EXOC4: variants seen among roughly 807,000 people sequenced by gnomAD.
EXOC4 encodes the protein SEC8-like 1.
Under a neutral mutation model 107.2 loss-of-function variants are expected in EXOC4, and 71 were observed. The observed-to-expected ratio is 0.66, with a 90% CI of 0.55 to 0.81. EXOC4 has a LOEUF of 0.81. Among genes scored for constraint, EXOC4 ranks in the 30% least tolerant of loss-of-function variants. EXOC4 has a pLI of 0.00. For synonymous variants in EXOC4, 456 were observed against 441.2 expected, an observed-to-expected ratio of 1.03 and a Z score of -0.42; for missense variants, 1,108 against 1,189.6, an observed-to-expected ratio of 0.93 and a Z score of 1.01.
At chr7:133,679,753 A>G (rs1019675740) in intron 10 of EXOC4, among the ~76,000 whole-genome samples, 2 of 152,246 alleles carry the variant, frequency 1.3e-5, no homozygotes, top group Admixed American at 1.3e-4. Context: ...TTGTTCTTCT[A>G]GAATTTGCAT....
chr7:133,287,316 T>C (rs1394297823), intron 2 of EXOC4, among the ~76,000 whole-genome samples: 1 of 151,808 alleles, frequency 6.6e-6, no homozygotes, highest in Non-Finnish European at 1.5e-5. Flanking sequence ...TATATATATG[T>C]ATATTTTTTT....
At chr7:133,925,923 C>T (rs1273327268) in intron 13 of EXOC4, among the ~76,000 whole-genome samples, 1 of 151,542 alleles carries the variant, frequency 6.6e-6, no homozygotes, top group Non-Finnish European at 1.5e-5. Context: ...CCTGTAATCC[C>T]AGCTACTCAG....
intron 11 of EXOC4, among the ~76,000 whole-genome samples, chr7:133,885,645 A>G (rs1302560922): frequency 6.6e-6 from 1 of 152,110 alleles, no homozygotes; most frequent in Non-Finnish European, 1.5e-5. Context: ...CACAGAAGGG[A>G]CATTTAAATC....
intron 1 of EXOC4, among the ~76,000 whole-genome samples, chr7:133,272,072 C>T (rs866978166): frequency 2.0e-5 from 3 of 152,136 alleles, no homozygotes; most frequent in East Asian, 1.9e-4. Context: ...TAATAGCTAA[C>T]GACAACAACC....
At chr7:133,458,290 C>T (rs1300162130) in intron 7 of EXOC4, among the ~76,000 whole-genome samples, 1 of 152,184 alleles carries the variant, frequency 6.6e-6, no homozygotes, top group Non-Finnish European at 1.5e-5. Context: ...TATCCTATTG[C>T]AGGATGCAAG....
At chr7:133,469,729 A>G (rs573011042) in intron 7 of EXOC4, among the ~76,000 whole-genome samples, 4 of 152,350 alleles carry the variant, frequency 2.6e-5, no homozygotes, top group East Asian at 1.9e-4. Context: ...TGTGAGACCT[A>G]TAACACTATG....
intron 7 of EXOC4, among the ~76,000 whole-genome samples, chr7:133,439,360 T>C (rs1410014170): frequency 6.6e-6 from 1 of 151,744 alleles, no homozygotes; most frequent in Non-Finnish European, 1.5e-5. Flanking sequence ...AATTTTTGTA[T>C]TTTTAGTAGA....
chr7:133,825,951 A>G (rs1797692684), intron 11 of EXOC4, among the ~76,000 whole-genome samples: 1 of 152,214 alleles, frequency 6.6e-6, no homozygotes, highest in South Asian at 2.1e-4. Context: ...TTCAGTATTT[A>G]TCGATACCTA....
intron 9 of EXOC4, among the ~76,000 whole-genome samples, chr7:133,574,594 A>G (rs566135587): frequency 6.6e-6 from 1 of 152,306 alleles, no homozygotes; most frequent in Non-Finnish European, 1.5e-5. Context: ...CTGAGCTGCA[A>G]CCACTGATAG....
At chr7:133,414,357 A>G (rs1027360733) in intron 7 of EXOC4, among the ~76,000 whole-genome samples, 4 of 152,202 alleles carry the variant, frequency 2.6e-5, no homozygotes, top group Non-Finnish European at 5.9e-5. Flanking sequence ...GAACTCTTGT[A>G]TATTACTGAT....
chr7:133,491,665 G>A (rs62469963), intron 9 of EXOC4, among the ~76,000 whole-genome samples: 21,990 of 152,166 alleles, frequency 0.14, 1,977 homozygotes, highest in Non-Finnish European at 0.2. Flanking sequence ...CATTTTCTGC[G>A]TGCAGAGGGG....
intron 5 of EXOC4, among the ~76,000 whole-genome samples, chr7:133,347,566 T>C (rs769369188): frequency 8.5e-5 from 13 of 152,202 alleles, no homozygotes; most frequent in Non-Finnish European, 1.9e-4. Context: ...AGTGGAATCA[T>C]GGAATTGTAG....
intron 11 of EXOC4, among the ~76,000 whole-genome samples, chr7:133,843,337 A>G (rs1798059522): frequency 6.6e-6 from 1 of 151,886 alleles, no homozygotes; most frequent in Admixed American, 6.6e-5. Context: ...GTCATCTCTG[A>G]TTTCTTTGTG....
intron 17 of EXOC4, among the ~76,000 whole-genome samples, chr7:134,009,406 T>G (rs915588620): frequency 6.6e-6 from 1 of 152,236 alleles, no homozygotes; most frequent in Non-Finnish European, 1.5e-5. Flanking sequence ...TCTTCCTCAA[T>G]CTGTTACTCC....
At chr7:133,269,966 C>T (rs1262847034) in intron 1 of EXOC4, among the ~76,000 whole-genome samples, 1 of 152,116 alleles carries the variant, frequency 6.6e-6, no homozygotes, top group Non-Finnish European at 1.5e-5. Flanking sequence ...TTGGCTGTGT[C>T]CCCATCCACA....
intron 10 of EXOC4, among the ~76,000 whole-genome samples, chr7:133,752,893 C>A (rs1795823920): frequency 1.3e-5 from 2 of 152,182 alleles, no homozygotes; most frequent in African/African-American, 4.8e-5. Flanking sequence ...TTCTTCTCAA[C>A]CTTTGACCGC....
At chr7:133,495,302 A>G (rs1397831463) in intron 9 of EXOC4, among the ~76,000 whole-genome samples, 3 of 151,980 alleles carry the variant, frequency 2.0e-5, no homozygotes, top group Non-Finnish European at 4.4e-5. Flanking sequence ...ATGCCTGTAC[A>G]CTGAATCTTT....
chr7:133,875,341 A>G (rs1185645954), intron 11 of EXOC4, among the ~76,000 whole-genome samples: 1 of 152,228 alleles, frequency 6.6e-6, no homozygotes, highest in African/African-American at 2.4e-5. Flanking sequence ...CTATGCTAAA[A>G]TAATTTCAGA....
chr7:133,578,954 G>T lies in EXOC4; in HGVS notation c.1418-51091G>T, dbSNP rs1025421575. ...CCCTATCTGAGAAAATGCTTCTTGT[G>T]CTCGGTAGCTCTTGTTAACTTGAAA... On this transcript the variant is annotated intron_variant, in intron 9 of 17. Transcript: ENST00000253861. Among the ~76,000 whole-genome samples the T allele has an allele frequency of 5.3e-5, 8 of 152,220 alleles. No homozygotes were observed. In the South Asian group the frequency reaches 1.5e-3, roughly 28 times the overall value.
Sources: gnomAD v4.1 joint callset for allele counts (sites outside exome capture counted in the v4.1 genomes callset) on GRCh38, gnomAD v4.1.1 for gene constraint, MANE v1.5 for transcripts, NCBI Gene and HGNC (gene_info 2026-07-23, HGNC 2026-07-21) for gene names.